The following PTK2B variants were observed in gnomAD, a reference collection of about 807,000 sequenced individuals.
PTK2B encodes protein tyrosine kinase 2 beta.
Under a neutral mutation model 142.9 loss-of-function variants are expected in PTK2B, and 71 were observed. That is an observed-to-expected ratio of 0.50 (90% confidence interval 0.41 to 0.61). The LOEUF (loss-of-function observed/expected upper bound fraction) is 0.61, where lower values mean the gene tolerates loss of function less well. Among genes scored for constraint, PTK2B ranks in the 20% least tolerant of loss-of-function variants. The pLI is 0.00. For missense variants in PTK2B, 1,105 were observed against 1,320.4 expected (o/e 0.84, Z 2.53); for synonymous variants, 519 against 503.4 (o/e 1.03, Z -0.42).
chr8:27,370,259 AC>A (rs1256534231), intron 1 of PTK2B, among the ~76,000 whole-genome samples: 2 of 152,216 alleles, frequency 1.3e-5, no homozygotes, highest in East Asian at 3.8e-4. Context: ...GATGTGCACT[AC>A]CCAGTGGATT....
At chr8:27,389,626 G>A (rs941235958) in intron 1 of PTK2B, among the ~76,000 whole-genome samples, 29 of 152,228 alleles carry the variant, frequency 1.9e-4, no homozygotes, top group African/African-American at 6.3e-4. Flanking sequence ...TAATGGGTGC[G>A]GGGGTGGGGA....
chr8:27,420,079 A>T lies in PTK2B; in HGVS notation c.383+6A>T. 2 of 1,613,666 alleles carry T rather than the reference A, an allele frequency of 1.2e-6. No individual in the cohort carries two copies. The highest frequency in any genetic ancestry group is 2.7e-5 in the African/African-American group (2 of 75,008). ...CACGTGGAAGCCGAGTGGAGGTAGG[A>T]GTGGATTCCTGGGCTCTGGAAGTGG... On this transcript the variant is annotated splice_donor_region_variant and intron_variant, in intron 3 of 30. Transcript: ENST00000346049.
chr8:27,350,991 ATATATAT>A lies in PTK2B; in HGVS notation c.-38+25311_-38+25317del, dbSNP rs1207579879. 4.3e-4 allele frequency among the ~76,000 whole-genome samples: 10 copies of A among 23,058 alleles called. 1 individual carries two copies. The highest frequency in any genetic ancestry group is 1.2e-3 in the African/African-American group (5 of 4,150). 15.1% of individuals were successfully genotyped at this position (23,058 alleles called of 152,430 possible). On this transcript the variant is annotated intron_variant, in intron 1 of 30. Coordinates refer to ENST00000346049, the MANE Select transcript of PTK2B (RefSeq NM_173176.3). ...TCTCCGTCTCAAAAAAAAAAAAAAA[ATATATAT>A]ATATATATATATATATATATATATA...
chr8:27,345,550 G>A (rs1055263671), intron 1 of PTK2B, among the ~76,000 whole-genome samples: 4 of 152,148 alleles, frequency 2.6e-5, no homozygotes, highest in Non-Finnish European at 5.9e-5. Context: ...TGATTCCCCT[G>A]TAAAGGCAAG....
intron 1 of PTK2B, among the ~76,000 whole-genome samples, chr8:27,390,549 G>A (rs915339350): frequency 6.6e-6 from 1 of 152,168 alleles, no homozygotes; most frequent in African/African-American, 2.4e-5. Context: ...GCCAAGGCAA[G>A]AGGATCACCT....
intron 1 of PTK2B, among the ~76,000 whole-genome samples, chr8:27,381,372 G>A (rs942373971): frequency 6.6e-6 from 1 of 152,076 alleles, no homozygotes; most frequent in Admixed American, 6.6e-5. Context: ...TTATAACCAC[G>A]ATTCTGTCTA....
chr8:27,395,926 G>T (rs947339886), intron 1 of PTK2B: 3 of 152,186 alleles, frequency 2.0e-5, no homozygotes, highest in African/African-American at 7.2e-5. Context: ...CACAGGACAT[G>T]TCCAGCAGAT....
Position 27,435,794 on chromosome 8 carries a change from G to A in PTK2B, c.1243+1G>A. 2 of 1,613,980 alleles carry A rather than the reference G, an allele frequency of 1.2e-6. No individual in the cohort carries two copies. The highest frequency in any genetic ancestry group is 1.7e-6 in the Non-Finnish European group (2 of 1,179,958). On this transcript the variant is annotated splice_donor_variant, in intron 14 of 30. Transcript: ENST00000346049. LOFTEE classifies it high-confidence loss of function. ...GACGAAACCCTGCGAAGGCCCGGAG[G>A]TAGGTTCTCGACCCCGCCACAGCGA...
At chr8:27,339,725 G>A (rs1270054141) in intron 1 of PTK2B, among the ~76,000 whole-genome samples, 2 of 152,222 alleles carry the variant, frequency 1.3e-5, no homozygotes, top group African/African-American at 4.8e-5. Flanking sequence ...TTGGAGTTGG[G>A]GATCAGGGGG....
At chr8:27,314,110 A>G (rs1325915883) in intron 3 of PTK2B, among the ~76,000 whole-genome samples, 1 of 152,210 alleles carries the variant, frequency 6.6e-6, no homozygotes, top group Non-Finnish European at 1.5e-5. Flanking sequence ...AAATCTAGAC[A>G]GACAGGCCTA....
chr8:27,366,305 C>G (rs147745281), intron 1 of PTK2B, among the ~76,000 whole-genome samples: 2 of 152,348 alleles, frequency 1.3e-5, no homozygotes, highest in East Asian at 3.9e-4. Context: ...CTGTCTACTT[C>G]TTTTGGGGCT....
At chr8:27,431,360 C>T (rs747188198) in intron 8 of PTK2B, 38 bp from the exon 9 acceptor site, 6 of 1,613,970 alleles carry the variant, frequency 3.7e-6, no homozygotes, top group South Asian at 1.1e-5. Flanking sequence ...ATGGGGAGGA[C>T]AGCTCTGGAA....
intron 1 of PTK2B, among the ~76,000 whole-genome samples, chr8:27,326,001 G>A (rs999411730): frequency 6.6e-6 from 1 of 152,110 alleles, no homozygotes; most frequent in Admixed American, 6.5e-5. Context: ...GGCACAGCCA[G>A]GCTGCTGCCT....
rs78028302 is a variant in PTK2B, at chr8:27,371,110, G to C, written c.-37-26438G>C. 1.4e-4 allele frequency among the ~76,000 whole-genome samples: 21 copies of C among 152,228 alleles called. 1 individual carries two copies. In the East Asian group the frequency reaches 3.7e-3, roughly 27 times the overall value. Reference sequence around the variant, plus strand: ...CAGGTTTTGCTATGTTGGCCAGTTGGTCTCAAACTCCTGGCCTCAAGTGAT... The same window carrying C: ...CAGGTTTTGCTATGTTGGCCAGTTGCTCTCAAACTCCTGGCCTCAAGTGAT... On this transcript the variant is annotated intron_variant, in intron 1 of 30. Coordinates refer to ENST00000346049, the MANE Select transcript of PTK2B (RefSeq NM_173176.3).
intron 2 of PTK2B, among the ~76,000 whole-genome samples, chr8:27,403,708 G>A (rs1339010327): frequency 2.0e-5 from 3 of 152,082 alleles, no homozygotes; most frequent in Non-Finnish European, 4.4e-5. Context: ...CTGGCAGAGT[G>A]GCACCCAGAC....
chr8:27,371,476 T>C (rs1806354714), intron 1 of PTK2B, among the ~76,000 whole-genome samples: 1 of 152,052 alleles, frequency 6.6e-6, no homozygotes, highest in Non-Finnish European at 1.5e-5. Context: ...GGGCTGGTTA[T>C]TTATTGTTCT....
chr8:27,383,626 C>T (rs969907970), intron 1 of PTK2B, among the ~76,000 whole-genome samples: 1 of 152,018 alleles, frequency 6.6e-6, no homozygotes, highest in Non-Finnish European at 1.5e-5. Flanking sequence ...AAAAAATATC[C>T]TCTCTTATTA....
intron 1 of PTK2B, among the ~76,000 whole-genome samples, chr8:27,368,159 C>T (rs1006723762): frequency 1.3e-5 from 2 of 152,190 alleles, no homozygotes; most frequent in Non-Finnish European, 2.9e-5. Flanking sequence ...GAGTGCGGGA[C>T]GGACGGGTGG....
intron 30 of PTK2B, among the ~76,000 whole-genome samples, chr8:27,457,996 AAAGATC>A (rs1812250755): frequency 1.4e-5 from 2 of 145,596 alleles, no homozygotes; most frequent in South Asian, 2.2e-4. Flanking sequence ...AAAAAAAAAA[AAAGATC>A]AGATTCGCAT....
Sources: allele counts gnomAD v4.1 joint callset (sites outside exome capture counted in the v4.1 genomes callset), GRCh38; gene constraint gnomAD v4.1.1; transcripts MANE v1.5; gene names NCBI Gene and HGNC (gene_info 2026-07-23, HGNC 2026-07-21).